KIAA1217: variants seen among roughly 807,000 people sequenced by gnomAD.
KIAA1217 encodes KIAA1217.
A neutral mutation model predicts 163.9 loss-of-function variants in KIAA1217; 88 were observed. The ratio of observed to expected loss-of-function variants is 0.54; its 90% CI spans 0.45 to 0.64. KIAA1217 has a LOEUF of 0.64. Among genes scored for constraint, KIAA1217 ranks in the 30% least tolerant of loss-of-function variants. The probability of loss-of-function intolerance (pLI) is 0.00; values close to 1 mark genes in which losing one functional copy is unlikely to be tolerated. For missense variants in KIAA1217, 2,372 were observed against 2,475.0 expected (o/e 0.96, Z 0.88); for synonymous variants, 903 against 923.1 (o/e 0.98, Z 0.39).
chr10:23,785,337 G>T (rs1835443203), intron 1 of KIAA1217, among the ~76,000 whole-genome samples: 1 of 152,094 alleles, frequency 6.6e-6, no homozygotes, highest in Admixed American at 6.6e-5. Context: ...TCCAGAGCCT[G>T]TTCCCTCACC....
intron 1 of KIAA1217, among the ~76,000 whole-genome samples, chr10:23,833,748 T>C (rs1838322778): frequency 6.6e-6 from 1 of 152,050 alleles, no homozygotes; most frequent in Admixed American, 6.6e-5. Context: ...AATTCTTACC[T>C]ACTACTCTTC....
intron 2 of KIAA1217, among the ~76,000 whole-genome samples, chr10:24,051,144 G>A (rs189521277): frequency 6.6e-6 from 1 of 152,216 alleles, no homozygotes; most frequent in Admixed American, 6.5e-5. Flanking sequence ...TCATAGCTTA[G>A]CTCCTGCTTA....
At chr10:23,725,803 G>A (rs1838099693) in intron 1 of KIAA1217, among the ~76,000 whole-genome samples, 1 of 152,144 alleles carries the variant, frequency 6.6e-6, no homozygotes. Flanking sequence ...GTTATAAATT[G>A]AGCACAATTG....
intron 8 of KIAA1217, among the ~76,000 whole-genome samples, chr10:24,501,086 AT>A (rs932744511): frequency 4.4e-5 from 3 of 67,548 alleles, no homozygotes; most frequent in African/African-American, 1.6e-4. Flanking sequence ...AAAAATTAAA[AT>A]AAAAAAAAAA....
chr10:24,273,029 CAG>C (rs2076920123), intron 2 of KIAA1217, among the ~76,000 whole-genome samples: 1 of 152,176 alleles, frequency 6.6e-6, no homozygotes, highest in Admixed American at 6.5e-5. Context: ...CAGTTATGGA[CAG>C]AAGCCTTTAA....
At chr10:24,056,437 C>T (rs907318204) in intron 2 of KIAA1217, among the ~76,000 whole-genome samples, 4 of 151,870 alleles carry the variant, frequency 2.6e-5, no homozygotes, top group Non-Finnish European at 4.4e-5. Flanking sequence ...GGCTCACCCT[C>T]GAGTCTGGGT....
chr10:23,930,559 T>C (rs1183743604), intron 1 of KIAA1217, among the ~76,000 whole-genome samples: 1 of 152,198 alleles, frequency 6.6e-6, no homozygotes, highest in East Asian at 1.9e-4. Flanking sequence ...TGCACACAGA[T>C]ATACTAGCAA....
At chr10:24,356,598 T>A (rs2049138930) in intron 2 of KIAA1217, among the ~76,000 whole-genome samples, 1 of 152,196 alleles carries the variant, frequency 6.6e-6, no homozygotes, top group African/African-American at 2.4e-5. Context: ...CTATAAGAGG[T>A]GACTAGGTCA....
At chr10:24,479,127 G>A (rs185212357) in intron 6 of KIAA1217, among the ~76,000 whole-genome samples, 42 of 152,274 alleles carry the variant, frequency 2.8e-4, no homozygotes, top group African/African-American at 1.0e-3. Context: ...TGATTTTTGA[G>A]GCATGGTAGA....
intron 1 of KIAA1217, among the ~76,000 whole-genome samples, chr10:24,001,868 A>C (rs1846758400): frequency 6.6e-6 from 1 of 152,160 alleles, no homozygotes; most frequent in Non-Finnish European, 1.5e-5. Flanking sequence ...CAGAAGAAAG[A>C]GTGCTGCTCT....
intron 2 of KIAA1217, among the ~76,000 whole-genome samples, chr10:24,320,679 T>C (rs531795958): frequency 6.6e-6 from 1 of 152,344 alleles, no homozygotes; most frequent in East Asian, 1.9e-4. Context: ...TTGCCATTAA[T>C]TGATTTCATG....
chr10:24,360,045 T>A (rs1341590023), intron 2 of KIAA1217, among the ~76,000 whole-genome samples: 2 of 137,638 alleles, frequency 1.5e-5, no homozygotes, highest in Admixed American at 7.2e-5. Context: ...AATTACTTTT[T>A]TTTTTTTTTT....
chr10:23,942,783 T>C (rs1209751487), intron 1 of KIAA1217, among the ~76,000 whole-genome samples: 1 of 151,996 alleles, frequency 6.6e-6, no homozygotes, highest in Non-Finnish European at 1.5e-5. Context: ...TTCAACACAG[T>C]ATTGAAAATC....
intron 2 of KIAA1217, among the ~76,000 whole-genome samples, chr10:24,020,469 C>T (rs377524962): frequency 2.0e-5 from 3 of 152,024 alleles, no homozygotes; most frequent in African/African-American, 4.8e-5. Context: ...AGAAACTTAA[C>T]GAAGAGATCT....
intron 3 of KIAA1217, among the ~76,000 whole-genome samples, chr10:24,424,001 A>G (rs1198724923): frequency 1.3e-5 from 2 of 152,226 alleles, no homozygotes; most frequent in Non-Finnish European, 2.9e-5. Context: ...CTTCTTGAAT[A>G]CAGCAAAAAT....
chr10:23,743,169 G>A (rs1839210566), intron 1 of KIAA1217, among the ~76,000 whole-genome samples: 1 of 151,640 alleles, frequency 6.6e-6, no homozygotes, highest in Admixed American at 6.6e-5. Context: ...GCCTGCATAG[G>A]AAACCAGAAA....
intron 2 of KIAA1217, among the ~76,000 whole-genome samples, 161 bp downstream of exon 2, chr10:24,220,070 G>A (rs1422790421): frequency 6.6e-6 from 1 of 152,146 alleles, no homozygotes; most frequent in Non-Finnish European, 1.5e-5. Flanking sequence ...GAGGAAGCCG[G>A]GTGTAGAAAA....
intron 2 of KIAA1217, among the ~76,000 whole-genome samples, chr10:24,036,621 G>A (rs974042745): frequency 3.3e-5 from 5 of 152,284 alleles, no homozygotes; most frequent in South Asian, 2.1e-4. Context: ...GCTTGCAATC[G>A]TGGCAGAAGG....
chr10:23,738,225 T>C (rs1206313433), intron 1 of KIAA1217, among the ~76,000 whole-genome samples: 1 of 152,202 alleles, frequency 6.6e-6, no homozygotes, highest in African/African-American at 2.4e-5. Flanking sequence ...TTAATATTTA[T>C]TTCTGCTCAT....
Sources: gnomAD v4.1 joint callset for allele counts (sites outside exome capture counted in the v4.1 genomes callset) on GRCh38, gnomAD v4.1.1 for gene constraint, MANE v1.5 for transcripts, NCBI Gene and HGNC (gene_info 2026-07-23, HGNC 2026-07-21) for gene names.